HFM1: variants seen among roughly 807,000 people sequenced by gnomAD.
The protein encoded by HFM1 is helicase for meiosis 1.
A neutral mutation model predicts 192.1 loss-of-function variants in HFM1; 169 were observed. The ratio of observed to expected loss-of-function variants is 0.88; its 90% CI spans 0.78 to 1.00. The LOEUF is 1.00. Ranked by LOEUF, HFM1 falls within the 50% of genes least tolerant of loss-of-function variation. The probability of loss-of-function intolerance (pLI) is 0.00; values close to 1 mark genes in which losing one functional copy is unlikely to be tolerated. For missense variants in HFM1, 1,661 were observed against 1,668.0 expected (o/e 1.00, Z 0.07); for synonymous variants, 525 against 537.8 (o/e 0.98, Z 0.33).
Position 91,375,390 on chromosome 1 carries a change from A to T in HFM1, c.1653T>A (p.Ala551=), listed in dbSNP as rs780516634. ...TCTGTTCCACAGTCATAATAAATTTAGCATCTTTCACAAGAACAGAAGCAG... is the reference window on the plus strand; with the variant it reads ...TCTGTTCCACAGTCATAATAAATTTTGCATCTTTCACAAGAACAGAAGCAG... The part of the protein sequence containing the change: ...QQAASVLVKD[A]KFIMTVEQKQ... The change falls in exon 13 of 39, where the codon GCT becomes GCA. Residue 551 remains alanine (A), a synonymous_variant. Coordinates refer to ENST00000370425, the MANE Select transcript of HFM1 (RefSeq NM_001017975.6). The T allele has an allele frequency of 3.1e-6, 5 of 1,612,784 alleles. No individual in the cohort carries two copies. The highest frequency in any genetic ancestry group is 4.2e-6 in the Non-Finnish European group (5 of 1,179,104).
At chr1:91,281,506 A>G (rs112490364) in intron 30 of HFM1, among the ~76,000 whole-genome samples, 11 of 152,238 alleles carry the variant, frequency 7.2e-5, no homozygotes, top group African/African-American at 1.4e-4. Context: ...TCCTTTCATT[A>G]AGTTCCTGGG....
At chr1:91,313,077 A>C (rs1471525904) in intron 30 of HFM1, among the ~76,000 whole-genome samples, 1 of 152,130 alleles carries the variant, frequency 6.6e-6, no homozygotes, top group Non-Finnish European at 1.5e-5. Context: ...TTTTCTTCCC[A>C]GTCTCAGGTA....
chr1:91,298,651 G>T lies in HFM1; in HGVS notation c.3391+14698C>A, dbSNP rs1396033725. 2.0e-5 allele frequency among the ~76,000 whole-genome samples: 3 copies of T among 152,286 alleles called. 1 individual carries two copies. In the South Asian group the frequency reaches 6.2e-4, roughly 32 times the overall value. ...AAATATTCAACATTCTTAAAGAAAA[G>T]AATTTTCAACCCAGAATTTCATATC... On this transcript the variant is annotated intron_variant, in intron 30 of 38. Transcript: ENST00000370425.
At chr1:91,372,408 A>AT (rs1341377995) in intron 13 of HFM1, among the ~76,000 whole-genome samples, 1 of 152,258 alleles carries the variant, frequency 6.6e-6, no homozygotes, top group Non-Finnish European at 1.5e-5. Flanking sequence ...CTATGCAGCC[A>AT]TAAAAAATGA....
chr1:91,301,111 A>G (rs1444550087), intron 30 of HFM1, among the ~76,000 whole-genome samples: 1 of 152,200 alleles, frequency 6.6e-6, no homozygotes, highest in Non-Finnish European at 1.5e-5. Flanking sequence ...ATCAATGTGC[A>G]AAAATCACAA....
chr1:91,392,584 C>T (rs993760614), intron 4 of HFM1, among the ~76,000 whole-genome samples: 5 of 151,664 alleles, frequency 3.3e-5, no homozygotes, highest in Middle Eastern at 3.4e-3. Context: ...CATCACACAC[C>T]GGGGCCTGTC....
At chr1:91,269,998 TTTG>T (rs1342401871) in intron 34 of HFM1, among the ~76,000 whole-genome samples, 2 of 152,094 alleles carry the variant, frequency 1.3e-5, no homozygotes, top group African/African-American at 2.4e-5. Context: ...AGGAGATTTT[TTTG>T]TTTTTTGTTT....
intron 23 of HFM1, 101 bp from the exon 24 acceptor site, chr1:91,319,491 G>A: frequency 5.6e-6 from 4 of 711,774 alleles, no homozygotes; most frequent in Non-Finnish European, 7.3e-6. Flanking sequence ...ACTTTTCTCT[G>A]CCTTAATTTC....
chr1:91,269,499 C>T (rs1301623152), intron 34 of HFM1, among the ~76,000 whole-genome samples: 1 of 152,156 alleles, frequency 6.6e-6, no homozygotes, highest in African/African-American at 2.4e-5. Flanking sequence ...TGAATTTCTT[C>T]ACCTGTCCAA....
intron 4 of HFM1, among the ~76,000 whole-genome samples, chr1:91,392,412 A>G (rs1214052217): frequency 3.3e-5 from 5 of 152,250 alleles, no homozygotes; most frequent in African/African-American, 9.6e-5. Context: ...AATACTATGC[A>G]GCCATAAAAA....
chr1:91,310,579 T>C (rs1650296812), intron 30 of HFM1, among the ~76,000 whole-genome samples: 1 of 152,134 alleles, frequency 6.6e-6, no homozygotes, highest in South Asian at 2.1e-4. Flanking sequence ...CCCACCAAAA[T>C]CTCAACTTGA....
intron 19 of HFM1, among the ~76,000 whole-genome samples, chr1:91,346,743 G>A (rs1018525640): frequency 2.6e-5 from 4 of 152,090 alleles, no homozygotes; most frequent in African/African-American, 9.7e-5. Context: ...AGCTGAGGTT[G>A]GATAGGAATA....
chr1:91,297,923 G>A (rs6685750), intron 30 of HFM1, among the ~76,000 whole-genome samples: 45,397 of 152,046 alleles, frequency 0.3, 7,061 homozygotes, highest in Non-Finnish European at 0.34. Flanking sequence ...CACCAGCAAC[G>A]GAACAAAGCT....
chr1:91,352,426 G>T, intron 16 of HFM1, 80 bp downstream of exon 16: 1 of 1,042,604 alleles, frequency 9.6e-7, no homozygotes, highest in South Asian at 1.9e-5. Flanking sequence ...ATACAATTAT[G>T]ACATGCTAAT....
At chr1:91,361,236 CAA>C (rs201504817) in intron 13 of HFM1, among the ~76,000 whole-genome samples, 20 of 139,370 alleles carry the variant, frequency 1.4e-4, no homozygotes, top group African/African-American at 3.9e-4. Context: ...AAAAACCCTT[CAA>C]AAAAAAAAAA....
intron 34 of HFM1, among the ~76,000 whole-genome samples, chr1:91,271,889 A>C (rs902549270): frequency 2.0e-5 from 3 of 152,138 alleles, no homozygotes; most frequent in Non-Finnish European, 4.4e-5. Context: ...TTAGATATGA[A>C]ATTTTTGGGC....
At chr1:91,354,601 G>A (rs1657461064) in intron 13 of HFM1, among the ~76,000 whole-genome samples, 1 of 152,030 alleles carries the variant, frequency 6.6e-6, no homozygotes, top group Non-Finnish European at 1.5e-5. Flanking sequence ...CAAGAGAAAA[G>A]TGTCAAGTGA....
At chr1:91,296,392 T>C (rs942451799) in intron 30 of HFM1, among the ~76,000 whole-genome samples, 1 of 152,204 alleles carries the variant, frequency 6.6e-6, no homozygotes, top group Non-Finnish European at 1.5e-5. Flanking sequence ...TCTATCCTTA[T>C]GCCTACATCA....
intron 20 of HFM1, among the ~76,000 whole-genome samples, chr1:91,326,453 G>T (rs61798899): frequency 1.3e-3 from 192 of 152,106 alleles, no homozygotes; most frequent in Non-Finnish European, 2.2e-3. Flanking sequence ...GAGAGTGGCA[G>T]GACATATTTA....
Sources: allele counts gnomAD v4.1 joint callset (sites outside exome capture counted in the v4.1 genomes callset), GRCh38; gene constraint gnomAD v4.1.1; transcripts MANE v1.5; gene names NCBI Gene and HGNC (gene_info 2026-07-23, HGNC 2026-07-21).